The following VGLL3 variants were observed in gnomAD, a reference collection of about 807,000 sequenced individuals.
VGLL3 encodes the protein vestigial like family member 3, also known as transcription cofactor vestigial-like protein 3.
A neutral mutation model predicts 29.2 loss-of-function variants in VGLL3; 18 were observed. The observed-to-expected ratio is 0.62, with a 90% CI of 0.43 to 0.91. The LOEUF (loss-of-function observed/expected upper bound fraction) is 0.91, where lower values mean the gene tolerates loss of function less well. Ranked by LOEUF, VGLL3 falls within the 40% of genes least tolerant of loss-of-function variation. VGLL3 has a pLI of 0.00. For synonymous variants in VGLL3, 180 were observed against 151.8 expected (o/e 1.19, Z -1.36); for missense variants, 440 against 413.2 (o/e 1.06, Z -0.56).
intron 3 of VGLL3, among the ~76,000 whole-genome samples, chr3:86,960,933 A>G (rs569948408): frequency 0.11 from 303 of 2,696 alleles, 2 homozygotes; most frequent in African/African-American, 0.22. Context: ...AGTAATTGTG[A>G]TATATATATA....
chr3:86,957,665 T>C (rs1704750392), intron 3 of VGLL3, among the ~76,000 whole-genome samples: 1 of 152,186 alleles, frequency 6.6e-6, no homozygotes, highest in African/African-American at 2.4e-5. Flanking sequence ...CATTTTTCCC[T>C]ACATATATCT....
rs139032141 is a variant in VGLL3, at chr3:86,955,230, A to G, written c.938-8163T>C. On this transcript the variant is annotated intron_variant, in intron 3 of 3. Transcript: ENST00000398399. ...AAAGACGCTTAGAAACTGCTGAAAT[A>G]TACTTGCATTTTAATGCCTATTTGA... Among the ~76,000 whole-genome samples, 11 of 152,322 alleles carry G rather than the reference A, an allele frequency of 7.2e-5. No individual in the cohort carries two copies. The East Asian group carries it at 2.1e-3, about 29-fold the overall frequency.
intron 3 of VGLL3, chr3:86,961,966 T>C (rs1353719714): frequency 1.4e-5 from 14 of 982,012 alleles, no homozygotes; most frequent in Non-Finnish European, 1.7e-5. Context: ...TATAGGGAAC[T>C]GTGATCTCTA....
At position 86,968,960 on chromosome 3, in the gene VGLL3, T is replaced by G; in HGVS notation, c.567A>C (p.Gly189=). 4 of 1,613,870 alleles carry G rather than the reference T, an allele frequency of 2.5e-6. No homozygotes were observed. Among genetic ancestry groups the G allele is most frequent in the Non-Finnish European group, 3.4e-6 (4 of 1,179,992 alleles). The stretch of plus-strand genomic sequence containing the variant: ...CTGGGCCAGTCTGATGCAGGTTGTG[T>G]CCCGGCCAAGGACTGGGATCAGCTG... ...FSAADPSPWP[G]HNLHQTGPAP... Residue 189 remains glycine, a synonymous_variant, in exon 3 of 4, where the codon GGA becomes GGC. Coordinates refer to ENST00000398399, the MANE Select transcript of VGLL3 (RefSeq NM_016206.4).
intron 1 of VGLL3, among the ~76,000 whole-genome samples, chr3:86,985,074 T>A (rs1259226545): frequency 6.6e-6 from 1 of 152,176 alleles, no homozygotes; most frequent in East Asian, 1.9e-4. Flanking sequence ...GCCCTTAGCT[T>A]CCTCTTTTGA....
At position 86,946,321 on chromosome 3, in the gene VGLL3, C is replaced by G. The variant is rs1704506024; in HGVS notation, c.*703G>C. On this transcript the variant is annotated 3_prime_UTR_variant, in exon 4 of 4. Transcript: ENST00000398399. The stretch of plus-strand genomic sequence containing the variant: ...TTCAAGCTATACATATAATTCAAAA[C>G]TAATTGAGCTAGCATGGAATTAAAT... The G allele has an allele frequency of 6.6e-6, 1 of 151,854 alleles. No individual in the cohort carries two copies. Among genetic ancestry groups the G allele is most frequent in the South Asian group, 2.1e-4 (1 of 4,828 alleles). 9.4% of individuals were successfully genotyped at this position (151,854 alleles called of 1,614,324 possible).
At chr3:86,977,251 G>A (rs1277761920) in intron 2 of VGLL3, among the ~76,000 whole-genome samples, 2 of 152,050 alleles carry the variant, frequency 1.3e-5, no homozygotes, top group Admixed American at 6.6e-5. Flanking sequence ...GGGAGGGAAG[G>A]AAGGAGAGAG....
chr3:86,980,041 C>T (rs577977813), intron 1 of VGLL3, among the ~76,000 whole-genome samples: 3 of 151,608 alleles, frequency 2.0e-5, no homozygotes, highest in Non-Finnish European at 4.4e-5. Flanking sequence ...GGAGATAATG[C>T]TAAAGATATG....
chr3:86,957,034 G>A (rs1376415914), intron 3 of VGLL3, among the ~76,000 whole-genome samples: 1 of 151,850 alleles, frequency 6.6e-6, no homozygotes, highest in Admixed American at 6.6e-5. Context: ...TGTTTTATAT[G>A]AGTGCCAGGG....
At chr3:86,947,483 T>C (rs1349351651) in intron 3 of VGLL3, among the ~76,000 whole-genome samples, 2 of 152,178 alleles carry the variant, frequency 1.3e-5, no homozygotes, top group Admixed American at 1.3e-4. Flanking sequence ...TCAAAATTAT[T>C]CTTTTAGACT....
At chr3:86,962,735 G>C (rs1704879161) in intron 3 of VGLL3, 1 of 657,510 alleles carries the variant, frequency 1.5e-6, no homozygotes, top group African/African-American at 2.0e-5. Context: ...TTGTACATGA[G>C]GGCTGGACAC....
intron 1 of VGLL3, 61 bp from the exon 2 acceptor site, chr3:86,978,863 T>G: frequency 2.7e-6 from 4 of 1,479,940 alleles, no homozygotes; most frequent in Non-Finnish European, 3.6e-6. Context: ...ATTCACTAGT[T>G]AAGTTTTCAC....
intron 1 of VGLL3, among the ~76,000 whole-genome samples, chr3:86,987,510 CA>C (rs143662014): frequency 0.01 from 1,539 of 152,240 alleles, 39 homozygotes; most frequent in African/African-American, 0.034. Context: ...CTATAAACTG[CA>C]TAATTCTGAA....
At position 86,969,089 on chromosome 3, in the gene VGLL3, G is replaced by A. The variant is rs774482321; in HGVS notation, c.438C>T (p.Phe146=). ...SSALSSQRNS[F]PTSFWTSSYQ... is the part of the protein sequence containing the mutation. ...AAGAGCTGGTCCAAAAGGAAGTTGG[G>A]AAACTATTCCGCTGGCTTGAGAGAG... Residue 146 remains phenylalanine, a synonymous_variant, in exon 3 of 4, where the codon TTC becomes TTT. Coordinates refer to ENST00000398399, the MANE Select transcript of VGLL3 (RefSeq NM_016206.4). The A allele has an allele frequency of 1.9e-5, 31 of 1,608,026 alleles. No homozygotes were observed. In the South Asian group the frequency reaches 2.0e-4, roughly 10 times the overall value.
At chr3:86,963,586 T>C (rs113477070) in intron 3 of VGLL3, among the ~76,000 whole-genome samples, 81 of 152,348 alleles carry the variant, frequency 5.3e-4, no homozygotes, top group African/African-American at 1.8e-3. Flanking sequence ...TATTGTGAAA[T>C]ATATCTAAAT....
chr3:86,983,322 T>A (rs1705368080), intron 1 of VGLL3, among the ~76,000 whole-genome samples: 1 of 152,150 alleles, frequency 6.6e-6, no homozygotes, highest in Non-Finnish European at 1.5e-5. Context: ...CCAGGGTAAA[T>A]ATTTCAAAAT....
rs984260640 is a variant in VGLL3, at chr3:86,991,048, G to A, written c.-305C>T. 4.2e-5 allele frequency: 27 copies of A among 638,348 alleles called. No individual in the cohort carries two copies. Among genetic ancestry groups the A allele is most frequent in the Non-Finnish European group, 5.3e-5 (27 of 509,660 alleles). 39.5% of individuals were successfully genotyped at this position (638,348 alleles called of 1,614,324 possible). A position where few individuals can be genotyped will look rare whatever the true frequency, so the allele number is the denominator to read the frequency against. On this transcript the variant is annotated 5_prime_UTR_variant, in exon 1 of 4. Coordinates refer to ENST00000398399, the MANE Select transcript of VGLL3 (RefSeq NM_016206.4). ...GCGCCGCTGGGGCATTACCGCGTCCGGCTCCCGCGAGGGCTGCGGCGCCCA... is the reference window on the plus strand; with the variant it reads ...GCGCCGCTGGGGCATTACCGCGTCCAGCTCCCGCGAGGGCTGCGGCGCCCA...
intron 2 of VGLL3, among the ~76,000 whole-genome samples, chr3:86,974,878 C>T (rs1354210291): frequency 6.6e-6 from 1 of 152,084 alleles, no homozygotes; most frequent in Non-Finnish European, 1.5e-5. Flanking sequence ...GTACCAAAAA[C>T]ACAAAGTTCC....
At chr3:86,970,002 GC>G (rs1258996093) in intron 2 of VGLL3, among the ~76,000 whole-genome samples, 1 of 152,106 alleles carries the variant, frequency 6.6e-6, no homozygotes, top group African/African-American at 2.4e-5. Context: ...ACAAGAGGGC[GC>G]AATTGTAACT....
Sources: allele counts gnomAD v4.1 joint callset (sites outside exome capture counted in the v4.1 genomes callset), GRCh38; gene constraint gnomAD v4.1.1; transcripts MANE v1.5; gene names NCBI Gene and HGNC (gene_info 2026-07-23, HGNC 2026-07-21).